The following MYO9A variants were observed in gnomAD, a reference collection of about 807,000 sequenced individuals.
MYO9A encodes myosin IXA, also known as unconventional myosin-IXa.
MYO9A carries 103 observed loss-of-function variants against 293.3 expected under a neutral mutation model. The observed-to-expected ratio is 0.35, with a 90% CI of 0.30 to 0.41. The LOEUF is 0.41. Among genes scored for constraint, MYO9A ranks in the 10% least tolerant of loss-of-function variants. MYO9A has a pLI of 1.00. For synonymous variants in MYO9A, 1,001 were observed against 1,035.7 expected, an observed-to-expected ratio of 0.97 and a Z score of 0.64; for missense variants, 2,685 against 3,033.0, an observed-to-expected ratio of 0.89 and a Z score of 2.69.
intron 1 of MYO9A, among the ~76,000 whole-genome samples, chr15:72,113,358 G>C (rs2080850327): frequency 6.6e-6 from 1 of 152,144 alleles, no homozygotes; most frequent in African/African-American, 2.4e-5. Context: ...GGGGAAAGTG[G>C]AAATCAGGGA....
chr15:71,880,268 T>A, intron 29 of MYO9A, 67 bp downstream of exon 29: 1 of 1,328,460 alleles, frequency 7.5e-7, no homozygotes, highest in Non-Finnish European at 1.1e-6. Flanking sequence ...AGAGAGTATA[T>A]CCTGATATAC....
At chr15:71,830,766 T>C (rs2054689576) in intron 39 of MYO9A, among the ~76,000 whole-genome samples, 1 of 152,206 alleles carries the variant, frequency 6.6e-6, no homozygotes, top group Admixed American at 6.5e-5. Context: ...TCATAGTAAG[T>C]TCTGATGGAT....
chr15:71,904,513 C>T (rs2057574615), intron 20 of MYO9A, among the ~76,000 whole-genome samples: 1 of 152,162 alleles, frequency 6.6e-6, no homozygotes. Flanking sequence ...ATTAGCCGGG[C>T]GTGGTGGTGC....
At chr15:71,960,952 A>C (rs1198733406) in intron 13 of MYO9A, among the ~76,000 whole-genome samples, 1 of 152,156 alleles carries the variant, frequency 6.6e-6, no homozygotes, top group Non-Finnish European at 1.5e-5. Flanking sequence ...GGACAAGGAG[A>C]AAGTGTGGAA....
At chr15:72,013,078 C>A (rs1270696737) in intron 6 of MYO9A, among the ~76,000 whole-genome samples, 4 of 152,108 alleles carry the variant, frequency 2.6e-5, no homozygotes, top group Admixed American at 6.6e-5. Context: ...AATTTGGGCT[C>A]CCTGGGAGGC....
At chr15:71,882,551 G>C (rs539551361) in intron 28 of MYO9A, among the ~76,000 whole-genome samples, 12 of 152,234 alleles carry the variant, frequency 7.9e-5, no homozygotes, top group African/African-American at 2.6e-4. Flanking sequence ...TGGGAGGATA[G>C]GTTGAGCCCA....
At chr15:72,090,371 T>C (rs1465760956) in intron 1 of MYO9A, among the ~76,000 whole-genome samples, 2 of 152,096 alleles carry the variant, frequency 1.3e-5, no homozygotes, top group African/African-American at 2.4e-5. Context: ...TTTGATATGA[T>C]ACAGTTAATA....
intron 4 of MYO9A, among the ~76,000 whole-genome samples, chr15:72,025,036 G>A (rs1222360926): frequency 6.6e-6 from 1 of 151,980 alleles, no homozygotes. Context: ...ATAAATGGCA[G>A]AATGGATAAA....
At chr15:71,945,349 C>A (rs28529658) in intron 15 of MYO9A, among the ~76,000 whole-genome samples, 1 of 152,110 alleles carries the variant, frequency 6.6e-6, no homozygotes, top group Non-Finnish European at 1.5e-5. Flanking sequence ...TTCAGAGAGG[C>A]CTAGCAAGTA....
At chr15:71,860,978 A>AAAAAAAAAAAAAAAAAT (rs2056096146) in intron 33 of MYO9A, among the ~76,000 whole-genome samples, 1 of 150,328 alleles carries the variant, frequency 6.7e-6, no homozygotes, top group South Asian at 2.1e-4. Context: ...CCAAAAAAAA[A>AAAAAAAAAAAAAAAAAT]AAAAAAAAAA....
At position 71,916,583 on chromosome 15, in the gene MYO9A, T is replaced by TG. The variant is rs1192241203; in HGVS notation, c.2563-92dup. ...CAGTTTTCATCATTTCCTATCTATA[T>TG]GACCATTTCCCATCTTAAATGACTG... On this transcript the variant is annotated intron_variant, in intron 18 of 41. Coordinates refer to ENST00000356056, the MANE Select transcript of MYO9A (RefSeq NM_006901.4). 4 of 1,251,686 alleles carry TG rather than the reference T, an allele frequency of 3.2e-6. No individual in the cohort carries two copies. In the African/African-American group the frequency reaches 6.0e-5, roughly 19 times the overall value. 77.5% of individuals were successfully genotyped at this position (1,251,686 alleles called of 1,614,324 possible).
intron 1 of MYO9A, among the ~76,000 whole-genome samples, chr15:72,090,984 A>C (rs2150592228): frequency 6.8e-6 from 1 of 147,652 alleles, no homozygotes; most frequent in East Asian, 1.9e-4. Flanking sequence ...CAAAAAAAAA[A>C]TAAATAAATA....
intron 3 of MYO9A, among the ~76,000 whole-genome samples, chr15:72,029,662 G>C (rs571217846): frequency 2.0e-5 from 3 of 152,300 alleles, no homozygotes; most frequent in South Asian, 4.1e-4. Flanking sequence ...CTATATGCCA[G>C]AAGAACGAAC....
At chr15:71,972,218 T>C (rs931492159) in intron 12 of MYO9A, 1 of 152,192 alleles carries the variant, frequency 6.6e-6, no homozygotes, top group African/African-American at 2.4e-5. Context: ...AGCTTCCAGA[T>C]AGCCGAACAT....
chr15:72,081,286 T>C (rs1198896787), intron 1 of MYO9A, among the ~76,000 whole-genome samples: 2 of 152,222 alleles, frequency 1.3e-5, no homozygotes, highest in South Asian at 2.1e-4. Context: ...CATCTCATTG[T>C]GGTCTGATTC....
chr15:71,877,256 C>T (rs1209510772), intron 31 of MYO9A, among the ~76,000 whole-genome samples: 1 of 152,006 alleles, frequency 6.6e-6, no homozygotes, highest in Non-Finnish European at 1.5e-5. Flanking sequence ...AAATAAAATA[C>T]ACAACACCGA....
chr15:72,090,993 TAAAAAATA>T (rs1457015066), intron 1 of MYO9A, among the ~76,000 whole-genome samples: 4 of 146,364 alleles, frequency 2.7e-5, no homozygotes, highest in African/African-American at 9.8e-5. Flanking sequence ...AATAAATAAA[TAAAAAATA>T]AAAAAATAAA....
At chr15:72,037,685 T>TGAAACAACCAAATAACGGTAAG (rs1178144639) in intron 2 of MYO9A, among the ~76,000 whole-genome samples, 1 of 152,104 alleles carries the variant, frequency 6.6e-6, no homozygotes, top group Non-Finnish European at 1.5e-5. Flanking sequence ...AAAGAAGTCA[T>TGAAACAACCAAATAACGGTAAG]GAAACAACCA....
Position 71,852,164 on chromosome 15 carries a change from A to G in MYO9A, c.6443T>C (p.Phe2148Ser), listed in dbSNP as rs754623376. The G allele has an allele frequency of 4.3e-6, 7 of 1,613,550 alleles. No homozygotes were observed. Among genetic ancestry groups the G allele is most frequent in the African/African-American group, 1.3e-5 (1 of 75,034 alleles). Reference protein sequence around the residue: ...LRDLPNPLMTFELYEEFLRAM... With the variant: ...LRDLPNPLMTSELYEEFLRAM... ...TCGAAGAAATTCCTCATAGAGTTCA[A>G]AGGTCATGAGAGGATTGGGCAAATC... The change falls in exon 36 of 42, where the codon TTT (phenylalanine) becomes TCT (serine). Residue 2148 changes from phenylalanine to serine, a missense_variant. Around this residue, in one of 10 missense-constraint regions of MYO9A, gnomAD observed 238 missense variants for 269.1 expected, o/e 0.88. Transcript: ENST00000356056.
Sources: allele counts gnomAD v4.1 joint callset (sites outside exome capture counted in the v4.1 genomes callset), GRCh38; gene constraint gnomAD v4.1.1; regional missense constraint gnomAD v4.1.1; transcripts MANE v1.5; gene names NCBI Gene and HGNC (gene_info 2026-07-23, HGNC 2026-07-21).